PRP4K: variants seen among roughly 807,000 people sequenced by gnomAD.
The protein encoded by PRP4K is serine/threonine-protein kinase PRP4 homolog.
At chr6:4,040,699 G>C in the PRP4K span, 359 of 1,442,114 alleles carry the variant, frequency 2.5e-4, 3 homozygotes, top group African/African-American at 4.1e-3. Context: ...TATATCCCCT[G>C]TGCCCACACA....
At chr6:4,064,558 CA>C in the PRP4K span, 1 of 152,282 alleles carries the variant, frequency 6.6e-6, no homozygotes, top group Non-Finnish European at 1.5e-5. Flanking sequence ...GTTATAATGA[CA>C]TCTTTACCAA....
At chr6:4,044,056 C>T in the PRP4K span, 8 of 1,592,554 alleles carry the variant, frequency 5.0e-6, no homozygotes, top group Non-Finnish European at 6.9e-6. Context: ...ACGCTTTTCT[C>T]TGAATTGTTA....
chr6:4,056,523 TC>T, the PRP4K span: 6 of 1,607,550 alleles, frequency 3.7e-6, no homozygotes, highest in African/African-American at 2.7e-5. Flanking sequence ...CCATCACACT[TC>T]AGCAGCTGCA....
the PRP4K span, among the ~76,000 whole-genome samples, chr6:4,054,396 T>A: frequency 6.6e-6 from 1 of 152,234 alleles, no homozygotes; most frequent in Non-Finnish European, 1.5e-5. Context: ...ATTATTATTG[T>A]ATTGTATATC....
chr6:4,043,460 C>T, the PRP4K span, among the ~76,000 whole-genome samples: 2 of 152,048 alleles, frequency 1.3e-5, no homozygotes, highest in Admixed American at 6.6e-5. Flanking sequence ...TATGTGCCAT[C>T]AGTGGGGTCT....
At chr6:4,023,380 AAC>A in the PRP4K span, among the ~76,000 whole-genome samples, 2,224 of 152,326 alleles carry the variant, frequency 0.015, 47 homozygotes, top group African/African-American at 0.051. Context: ...ATGAAACTGA[AAC>A]ACAGAGAAAT....
the PRP4K span, chr6:4,061,793 A>T: frequency 6.6e-6 from 1 of 152,646 alleles, no homozygotes; most frequent in Non-Finnish European, 1.5e-5. Flanking sequence ...AAAACAGTTG[A>T]CACTCACTTA....
the PRP4K span, among the ~76,000 whole-genome samples, chr6:4,036,388 AT>A: frequency 6.6e-6 from 1 of 152,050 alleles, no homozygotes; most frequent in South Asian, 2.1e-4. Context: ...CACTTGGCTA[AT>A]TTTGATATTT....
At chr6:4,021,496 C>T in the PRP4K span, 3 of 1,569,644 alleles carry the variant, frequency 1.9e-6, no homozygotes, top group African/African-American at 1.3e-5. Flanking sequence ...GGGCCAGAAG[C>T]TGGAGCCCGG....
At chr6:4,060,841 G>A in the PRP4K span, 1 of 536,044 alleles carries the variant, frequency 1.9e-6, no homozygotes, top group Non-Finnish European at 3.3e-6. This position sits in a 1 kb window ranked among gnomAD's most constrained non-coding sequence, Gnocchi z 4.7. Context: ...TGCCAAGACT[G>A]CACAAAATTA....
At chr6:4,033,252 C>G in the PRP4K span, among the ~76,000 whole-genome samples, 1 of 151,820 alleles carries the variant, frequency 6.6e-6, no homozygotes, top group African/African-American at 2.4e-5. Context: ...TTTTTGGTCC[C>G]CAAAGTATAA....
the PRP4K span, among the ~76,000 whole-genome samples, chr6:4,043,575 A>G: frequency 6.6e-6 from 1 of 152,212 alleles, no homozygotes; most frequent in South Asian, 2.1e-4. Context: ...TCATCTGATC[A>G]GGTCCAGTGC....
the PRP4K span, chr6:4,047,292 A>G: frequency 2.1e-5 from 30 of 1,441,618 alleles, no homozygotes; most frequent in African/African-American, 4.1e-4. Context: ...AAAAATAACA[A>G]ATATATTGGT....
At chr6:4,032,667 C>T in the PRP4K span, 61 of 1,613,690 alleles carry the variant, frequency 3.8e-5, no homozygotes, top group East Asian at 3.1e-4. Context: ...ATCCCCCTCG[C>T]GGACACTGTC....
At chr6:4,037,151 G>A in the PRP4K span, among the ~76,000 whole-genome samples, 2 of 151,984 alleles carry the variant, frequency 1.3e-5, no homozygotes, top group African/African-American at 2.4e-5. Flanking sequence ...TGACTTTACC[G>A]GTATGAATAA....
At chr6:4,030,034 C>T in the PRP4K span, among the ~76,000 whole-genome samples, 76 of 152,136 alleles carry the variant, frequency 5.0e-4, no homozygotes, top group African/African-American at 1.8e-3. Context: ...CCTCCGCCTC[C>T]CAGGTTCAAG....
At chr6:4,025,355 C>G in the PRP4K span, among the ~76,000 whole-genome samples, 1 of 152,120 alleles carries the variant, frequency 6.6e-6, no homozygotes. Flanking sequence ...TAGCACAGGC[C>G]CATTGTATGT....
At chr6:4,044,277 T>A in the PRP4K span, 1 of 394,870 alleles carries the variant, frequency 2.5e-6, no homozygotes, top group Admixed American at 4.2e-5. Context: ...GCTTGCTATT[T>A]TAAAGCAAAT....
the PRP4K span, chr6:4,042,529 A>T: frequency 1.2e-6 from 2 of 1,610,950 alleles, no homozygotes; most frequent in Admixed American, 3.4e-5. Flanking sequence ...AAGAAGCCCT[A>T]ATAGAACAGA....
Sources: gnomAD v4.1 joint callset for allele counts (sites outside exome capture counted in the v4.1 genomes callset) on GRCh38, gnomAD v4.1.1 for gene constraint, Gnocchi (gnomAD v3.1) non-coding constraint, MANE v1.5 for transcripts, NCBI Gene and HGNC (gene_info 2026-07-23, HGNC 2026-07-21) for gene names.